BIRC7: variants seen among roughly 807,000 people sequenced by gnomAD.
The protein encoded by BIRC7 is baculoviral IAP repeat containing 7.
Under a neutral mutation model 33.2 loss-of-function variants are expected in BIRC7, and 26 were observed. The ratio of observed to expected loss-of-function variants is 0.78; its 90% CI spans 0.57 to 1.09. BIRC7 has a LOEUF of 1.09. Ranked by LOEUF, BIRC7 falls within the 50% of genes least tolerant of loss-of-function variation. The pLI is 0.00. For missense variants in BIRC7, 409 were observed against 401.2 expected (o/e 1.02, Z -0.17); for synonymous variants, 176 against 171.0 (o/e 1.03, Z -0.23).
chr20:63,238,658 G>C, intron 4 of BIRC7, 44 bp downstream of exon 4: 1 of 1,608,218 alleles, frequency 6.2e-7, no homozygotes, highest in Non-Finnish European at 8.5e-7. Flanking sequence ...TGCGCCTGCA[G>C]CCTGTGCTTG....
chr20:63,239,369 C>G lies in BIRC7; in HGVS notation c.661C>G (p.Pro221Ala), dbSNP rs1355184830. 6.2e-7 allele frequency: 1 copy of G among 1,603,284 alleles called. No homozygotes were observed. The highest frequency in any genetic ancestry group is 1.1e-5 in the South Asian group (1 of 91,058). The change falls in exon 6 of 7, where the codon CCA becomes GCA. Residue 221 changes from proline to alanine, a missense_variant. By Grantham distance (27) the Pro-to-Ala change is conservative (BLOSUM62 -1). Coordinates refer to ENST00000217169, the MANE Select transcript of BIRC7 (RefSeq NM_139317.3). ...ESAQEPGGVS[P>A]AEAQRAWWVL... ...GCCTGTCCTCCTAGGAGGGGTCAGT[C>G]CAGCCGAGGCCCAGAGGGCGTGGTG...
At chr20:63,236,553 G>T in intron 1 of BIRC7, 108 bp downstream of exon 1, 2 of 1,394,594 alleles carry the variant, frequency 1.4e-6, no homozygotes, top group Non-Finnish European at 1.9e-6. Context: ...CAACAGGAAG[G>T]GTCTGGCCTG....
At position 63,240,351 on chromosome 20, in the gene BIRC7, G is replaced by C. The variant is rs553544446; in HGVS notation, c.*101G>C. On this transcript the variant is annotated 3_prime_UTR_variant, in exon 7 of 7. Transcript: ENST00000217169. Reference sequence around the variant, plus strand: ...TGGGCCTGCTGAGGATGGCAGAGCTGGTGTCCATCCAGCACTGACCAGCCC... The same window carrying C: ...TGGGCCTGCTGAGGATGGCAGAGCTCGTGTCCATCCAGCACTGACCAGCCC... The C allele has an allele frequency of 6.5e-6, 1 of 152,920 alleles. No homozygotes were observed. The highest frequency in any genetic ancestry group is 2.1e-4 in the South Asian group (1 of 4,830). The allele number at this position is 152,920 out of a possible 1,614,324, so 9.5% of individuals were successfully genotyped here. A position where few individuals can be genotyped will look rare whatever the true frequency, so the allele number is the denominator to read the frequency against.
chr20:63,239,994 A>G (rs1034414240), intron 6 of BIRC7, among the ~76,000 whole-genome samples: 2 of 152,216 alleles, frequency 1.3e-5, no homozygotes, highest in Admixed American at 1.3e-4. Flanking sequence ...ACCCGGGGCC[A>G]AGGCATGGTG....
Position 63,236,392 on chromosome 20 carries a change from T to C in BIRC7, c.296T>C (p.Leu99Pro), listed in dbSNP as rs968190374. 3 of 1,568,978 alleles carry C rather than the reference T, an allele frequency of 1.9e-6. No individual in the cohort carries two copies. The African/African-American group carries it at 4.0e-5, about 21-fold the overall frequency. Reference sequence around the variant, plus strand: ...CTGGCCTCCTTCTATGACTGGCCGCTGACTGCTGAGGTGCCACCCGAGCTG... The same window carrying C: ...CTGGCCTCCTTCTATGACTGGCCGCCGACTGCTGAGGTGCCACCCGAGCTG... The part of the protein sequence containing the change: ...LRLASFYDWP[L>P]TAEVPPELLA... The change falls in exon 1 of 7, where the codon CTG (leucine) becomes CCG (proline). Residue 99 changes from leucine to proline, a missense_variant. Transcript: ENST00000217169.
intron 5 of BIRC7, 57 bp downstream of exon 5, chr20:63,239,290 C>A: frequency 6.2e-7 from 1 of 1,607,156 alleles, no homozygotes; most frequent in Non-Finnish European, 8.5e-7. Flanking sequence ...TGAGGGACCC[C>A]GACCTTCCAT....
intron 4 of BIRC7, 39 bp from the exon 5 acceptor site, chr20:63,239,123 T>C (rs2123029100): frequency 6.3e-7 from 1 of 1,597,358 alleles, no homozygotes; most frequent in Non-Finnish European, 8.6e-7. Flanking sequence ...AGCTTTCTCC[T>C]TGGGAGTTAG....
In BIRC7 at chr20:63,236,421, G is replaced by A; in HGVS notation, c.325G>A (p.Ala109Thr). The A allele has an allele frequency of 6.5e-7, 1 of 1,543,572 alleles. No homozygotes were observed. Among genetic ancestry groups the A allele is most frequent in the Non-Finnish European group, 8.7e-7 (1 of 1,143,820 alleles). ...LTAEVPPELL[A>T]AAGFFHTGHQ... Reference sequence around the variant, plus strand: ...TGCTGAGGTGCCACCCGAGCTGCTGGCTGCTGCCGGCTTCTTCCACACAGG... The same window carrying A: ...TGCTGAGGTGCCACCCGAGCTGCTGACTGCTGCCGGCTTCTTCCACACAGG... Residue 109 changes from alanine to threonine, a missense_variant, in exon 1 of 7, where the codon GCT (alanine) becomes ACT (threonine). By Grantham distance (58) the Ala-to-Thr change is moderately conservative (BLOSUM62 0). Coordinates refer to ENST00000217169, the MANE Select transcript of BIRC7 (RefSeq NM_139317.3).
At position 63,236,014 on chromosome 20, in the gene BIRC7, A is replaced by C; in HGVS notation, c.-83A>C. 6.9e-7 allele frequency: 1 copy of C among 1,449,612 alleles called. No individual in the cohort carries two copies. Among genetic ancestry groups the C allele is most frequent in the Non-Finnish European group, 9.2e-7 (1 of 1,088,716 alleles). 89.8% of individuals were successfully genotyped at this position (1,449,612 alleles called of 1,614,324 possible). A position where few individuals can be genotyped will look rare whatever the true frequency, so the allele number is the denominator to read the frequency against. Reference sequence around the variant, plus strand: ...GTGGGCCCCGGGGGTCAGGAGCTCCAGAAGGGCCAGCTGGGCATATTCTGA... The same window carrying C: ...GTGGGCCCCGGGGGTCAGGAGCTCCCGAAGGGCCAGCTGGGCATATTCTGA... On this transcript the variant is annotated 5_prime_UTR_variant, in exon 1 of 7. Transcript: ENST00000217169.
rs1393893341 is a variant in BIRC7, at chr20:63,238,580, A to G, written c.543A>G (p.Glu181=). The part of the protein sequence containing the change: ...SQLLGSWDPW[E]EPEDAAPVAP... The stretch of plus-strand genomic sequence containing the variant: ...CTGGCTCCTTCCAGGACCCGTGGGA[A>G]GAACCGGAAGACGCAGCCCCTGTGG... The change falls in exon 4 of 7, where the codon GAA becomes GAG. Residue 181 remains glutamate, a synonymous_variant. Transcript: ENST00000217169. The G allele has an allele frequency of 2.5e-6, 4 of 1,613,078 alleles. No individual in the cohort carries two copies. The highest frequency in any genetic ancestry group is 3.4e-6 in the Non-Finnish European group (4 of 1,179,978).
chr20:63,237,940 G>A lies in BIRC7; in HGVS notation c.387G>A (p.Gly129=), dbSNP rs1315316070. 1.2e-6 allele frequency: 2 copies of A among 1,608,062 alleles called. No homozygotes were observed. Among genetic ancestry groups the A allele is most frequent in the East Asian group, 2.2e-5 (1 of 44,614 alleles). ...AGGTGAGGTGCTTCTTCTGCTATGG[G>A]GGCCTGCAGAGCTGGAAGCGCGGGG... The part of the protein sequence containing the change: ...QDKVRCFFCY[G]GLQSWKRGDD... The change falls in exon 2 of 7, where the codon GGG becomes GGA. Residue 129 remains glycine, a synonymous_variant. Transcript: ENST00000217169.
In BIRC7 at chr20:63,239,094, C is replaced by G. The variant is rs1462857444; in HGVS notation, c.578-68C>G. On this transcript the variant is annotated intron_variant, in intron 4 of 6. Coordinates refer to ENST00000217169, the MANE Select transcript of BIRC7 (RefSeq NM_139317.3). ...AGAACTGGACCCCACAGGCTGCAGA[C>G]CTGTATCTGGGCCGGCCCAGCTTTC... The G allele has an allele frequency of 4.6e-6, 7 of 1,516,356 alleles. No homozygotes were observed. In the African/African-American group the frequency reaches 9.6e-5, roughly 21 times the overall value. 93.9% of individuals were successfully genotyped at this position (1,516,356 alleles called of 1,614,324 possible).
At chr20:63,239,808 C>T (rs891618813) in intron 6 of BIRC7, among the ~76,000 whole-genome samples, 198 bp downstream of exon 6, 2 of 152,220 alleles carry the variant, frequency 1.3e-5, no homozygotes, top group African/African-American at 4.8e-5. Context: ...CCTGGTCCTT[C>T]GGGCACCGTG....
chr20:63,236,043 T>C lies in BIRC7; in HGVS notation c.-54T>C. 2 of 1,469,742 alleles carry C rather than the reference T, an allele frequency of 1.4e-6. No individual in the cohort carries two copies. Among genetic ancestry groups the C allele is most frequent in the Non-Finnish European group, 9.1e-7 (1 of 1,099,704 alleles). 91.0% of individuals were successfully genotyped at this position (1,469,742 alleles called of 1,614,324 possible). A position where few individuals can be genotyped will look rare whatever the true frequency, so the allele number is the denominator to read the frequency against. ...GGGCCAGCTGGGCATATTCTGAGAT[T>C]GGCCATCAGCCCCCATTTCTGCTGC... On this transcript the variant is annotated 5_prime_UTR_variant, in exon 1 of 7. Coordinates refer to ENST00000217169, the MANE Select transcript of BIRC7 (RefSeq NM_139317.3).
Position 63,236,429 on chromosome 20 carries a change from C to T in BIRC7, c.333C>T (p.Ala111=), listed in dbSNP as rs199560863. The T allele has an allele frequency of 2.7e-4, 411 of 1,543,128 alleles. No homozygotes were observed. The highest frequency in any genetic ancestry group is 8.1e-4 in the Admixed American group (44 of 54,150). Residue 111 remains alanine, a synonymous_variant, in exon 1 of 7, where the codon GCC becomes GCT. Transcript: ENST00000217169. ...TGCCACCCGAGCTGCTGGCTGCTGC[C>T]GGCTTCTTCCACACAGGTCAGTCCC... The part of the protein sequence containing the change: ...AEVPPELLAA[A]GFFHTGHQDK...
chr20:63,238,335 A>T, intron 2 of BIRC7, 61 bp from the exon 3 acceptor site: 12 of 1,591,666 alleles, frequency 7.5e-6, no homozygotes, highest in Non-Finnish European at 1.0e-5. Context: ...CGGGGATCCA[A>T]GGGCTTGAAG....
intron 2 of BIRC7, 167 bp from the exon 3 acceptor site, chr20:63,238,229 C>T: frequency 1.1e-6 from 1 of 918,334 alleles, no homozygotes; most frequent in Non-Finnish European, 1.7e-6. Context: ...ATGGGACTAC[C>T]CTGAAGCCCC....
chr20:63,236,665 T>C (rs4809511), intron 1 of BIRC7, among the ~76,000 whole-genome samples: 93,811 of 152,044 alleles, frequency 0.62, 29,266 homozygotes, highest in East Asian at 0.86. Context: ...GACCGTGGGA[T>C]GTGAGGAGGG....
At chr20:63,237,517 T>C (rs1024157651) in intron 1 of BIRC7, among the ~76,000 whole-genome samples, 1 of 152,020 alleles carries the variant, frequency 6.6e-6, no homozygotes, top group Non-Finnish European at 1.5e-5. Flanking sequence ...CAGCCTCCCT[T>C]CTTCTTCTCA....
Sources: allele counts gnomAD v4.1 joint callset (sites outside exome capture counted in the v4.1 genomes callset), GRCh38; gene constraint gnomAD v4.1.1; transcripts MANE v1.5; gene names NCBI Gene and HGNC (gene_info 2026-07-23, HGNC 2026-07-21).